The following ACKR3 variants were observed in gnomAD, a reference collection of about 807,000 sequenced individuals.
ACKR3 encodes atypical chemokine receptor 3.
A neutral mutation model predicts 22.4 loss-of-function variants in ACKR3; 6 were observed. The observed-to-expected ratio is 0.27, with a 90% CI of 0.15 to 0.53. ACKR3 has a LOEUF of 0.53. Among genes scored for constraint, ACKR3 ranks in the 20% least tolerant of loss-of-function variants. The pLI is 0.96. For missense variants in ACKR3, 396 were observed against 475.2 expected, an observed-to-expected ratio of 0.83 and a Z score of 1.55; for synonymous variants, 209 against 205.2, an observed-to-expected ratio of 1.02 and a Z score of -0.16.
At chr2:236,545,276 T>C in the ACKR3 span, among the ~76,000 whole-genome samples, 2 of 151,902 alleles carry the variant, frequency 1.3e-5, no homozygotes, top group Non-Finnish European at 2.9e-5. This position sits in a 1 kb window ranked among gnomAD's most constrained non-coding sequence, Gnocchi z 5.3. Flanking sequence ...AGTTTGAGAG[T>C]TCGTGCCTGG....
chr2:236,576,655 A>T (rs1042655181), intron 1 of ACKR3, among the ~76,000 whole-genome samples: 2 of 152,336 alleles, frequency 1.3e-5, no homozygotes, highest in South Asian at 4.1e-4. Flanking sequence ...TGGTCAATGA[A>T]AGTGGGCCCT....
At chr2:236,552,366 A>C in the ACKR3 span, among the ~76,000 whole-genome samples, 12 of 152,018 alleles carry the variant, frequency 7.9e-5, 1 homozygote, top group African/African-American at 2.9e-4. Flanking sequence ...ATACATGGTG[A>C]AAATTTGAGG....
chr2:236,571,194 G>A (rs531450185), intron 1 of ACKR3, among the ~76,000 whole-genome samples: 3 of 152,346 alleles, frequency 2.0e-5, no homozygotes, highest in African/African-American at 7.2e-5. Flanking sequence ...GCTTTCCCCA[G>A]ATGGAAAGTC....
intron 1 of ACKR3, among the ~76,000 whole-genome samples, chr2:236,573,366 G>T (rs1691348004): frequency 1.3e-5 from 2 of 152,212 alleles, no homozygotes; most frequent in African/African-American, 4.8e-5. Context: ...ATTCCCGCTG[G>T]AGAGTCCCTG....
At chr2:236,550,075 C>G in the ACKR3 span, among the ~76,000 whole-genome samples, 19 of 152,318 alleles carry the variant, frequency 1.2e-4, no homozygotes, top group Admixed American at 2.6e-4. The surrounding 1 kb of genome is among the most constrained non-coding windows in gnomAD (Gnocchi z 4.6). Flanking sequence ...GGTTCATCAA[C>G]AGCTCCAGTT....
the ACKR3 span, among the ~76,000 whole-genome samples, chr2:236,537,976 C>G: frequency 1.3e-5 from 2 of 152,130 alleles, no homozygotes; most frequent in African/African-American, 4.8e-5. Context: ...TAAAAATAAC[C>G]TAATAAGAAA....
At chr2:236,568,612 C>A (rs1261278037), upstream of ACKR3, among the ~76,000 whole-genome samples, 3 of 152,232 alleles carry the variant, frequency 2.0e-5, no homozygotes, top group Non-Finnish European at 4.4e-5. Context: ...GTGTGCACCT[C>A]GCCTCCCGCT....
chr2:236,552,894 A>G, the ACKR3 span, among the ~76,000 whole-genome samples: 2 of 152,184 alleles, frequency 1.3e-5, no homozygotes, highest in Non-Finnish European at 2.9e-5. Flanking sequence ...GGATGTGTTC[A>G]TGTTAGCAAA....
the ACKR3 span, among the ~76,000 whole-genome samples, chr2:236,542,183 G>A: frequency 1.3e-5 from 2 of 152,312 alleles, no homozygotes; most frequent in African/African-American, 4.8e-5. Context: ...GGCCTAACAA[G>A]AGACAGATTG....
At position 236,580,909 on chromosome 2, in the gene ACKR3, C is replaced by T. The variant is rs1408872183; in HGVS notation, c.444C>T (p.Tyr148=). The change falls in exon 2 of 2, where the codon TAC becomes TAT. Residue 148 remains tyrosine, a synonymous_variant. Coordinates refer to ENST00000272928, the MANE Select transcript of ACKR3 (RefSeq NM_020311.3). The part of the protein sequence containing the change: ...MSVDRYLSIT[Y]FTNTPSSRKK... ...TGGACCGCTACCTCTCCATCACCTA[C>T]TTCACCAACACCCCCAGCAGCAGGA... The T allele has an allele frequency of 3.1e-5, 50 of 1,614,220 alleles. No individual in the cohort carries two copies. Among genetic ancestry groups the T allele is most frequent in the Non-Finnish European group, 4.1e-5 (48 of 1,180,044 alleles).
chr2:236,558,494 C>T, the ACKR3 span, among the ~76,000 whole-genome samples: 1 of 152,138 alleles, frequency 6.6e-6, no homozygotes, highest in Admixed American at 6.5e-5. Flanking sequence ...ATCCTGCTGA[C>T]CTCCTACCTC....
intron 1 of ACKR3, among the ~76,000 whole-genome samples, chr2:236,579,786 G>C (rs7585641): frequency 0.24 from 37,128 of 152,128 alleles, 5,348 homozygotes; most frequent in African/African-American, 0.39. Context: ...TTGGGGCGCA[G>C]TTAAGCTGTG....
chr2:236,561,650 C>T, the ACKR3 span, among the ~76,000 whole-genome samples: 1 of 152,072 alleles, frequency 6.6e-6, no homozygotes, highest in Non-Finnish European at 1.5e-5. Context: ...TGCCACCATG[C>T]CTGGCTAATT....
chr2:236,541,917 C>T, the ACKR3 span, among the ~76,000 whole-genome samples: 1 of 152,104 alleles, frequency 6.6e-6, no homozygotes, highest in East Asian at 1.9e-4. Flanking sequence ...TGTGAGGCCT[C>T]TCCAGCCATG....
intron 1 of ACKR3, among the ~76,000 whole-genome samples, chr2:236,570,165 C>G (rs575767287): frequency 6.6e-6 from 1 of 152,304 alleles, no homozygotes; most frequent in Admixed American, 6.5e-5. Flanking sequence ...AAGTCACTTG[C>G]AGAAGGAAAT....
upstream of ACKR3, among the ~76,000 whole-genome samples, chr2:236,563,713 T>G (rs1386760296): frequency 6.6e-6 from 1 of 152,154 alleles, no homozygotes; most frequent in Non-Finnish European, 1.5e-5. Flanking sequence ...ATACTGGTGT[T>G]GCTGTTCCCA....
At chr2:236,549,173 C>T in the ACKR3 span, among the ~76,000 whole-genome samples, 2 of 152,328 alleles carry the variant, frequency 1.3e-5, no homozygotes, top group South Asian at 2.1e-4. This position sits in a 1 kb window ranked among gnomAD's most constrained non-coding sequence, Gnocchi z 5.3. Flanking sequence ...GTCTCTGCCC[C>T]TGCCCTCTTC....
At chr2:236,559,872 T>G in the ACKR3 span, among the ~76,000 whole-genome samples, 1 of 152,234 alleles carries the variant, frequency 6.6e-6, no homozygotes, top group Admixed American at 6.5e-5. Flanking sequence ...GGACTCTCTA[T>G]TTTGTTTCCT....
upstream of ACKR3, among the ~76,000 whole-genome samples, chr2:236,566,347 C>T (rs1051046467): frequency 1.3e-4 from 20 of 152,222 alleles, no homozygotes; most frequent in African/African-American, 4.6e-4. Context: ...TCAGCTGGGA[C>T]AGCGGTAGGG....
Sources: allele counts gnomAD v4.1 joint callset (sites outside exome capture counted in the v4.1 genomes callset), GRCh38; gene constraint gnomAD v4.1.1; non-coding constraint Gnocchi (gnomAD v3.1); transcripts MANE v1.5; gene names NCBI Gene and HGNC (gene_info 2026-07-23, HGNC 2026-07-21).